PCNT: variants seen among roughly 807,000 people sequenced by gnomAD.
The protein encoded by PCNT is pericentrin.
In PCNT, 319 loss-of-function variants were observed where a neutral mutation model predicts 380.4. The ratio of observed to expected loss-of-function variants is 0.84; its 90% CI spans 0.77 to 0.92. PCNT has a LOEUF of 0.92. Ranked by LOEUF, PCNT falls within the 40% of genes least tolerant of loss-of-function variation. PCNT has a pLI of 0.00. For synonymous variants in PCNT, 1,845 were observed against 1,735.2 expected, an observed-to-expected ratio of 1.06 and a Z score of -1.57; for missense variants, 4,400 against 4,255.3, an observed-to-expected ratio of 1.03 and a Z score of -0.95.
chr21:46,399,557 A>C (rs756006304), intron 24 of PCNT, 33 bp from the exon 25 acceptor site: 2 of 1,500,922 alleles, frequency 1.3e-6, no homozygotes, highest in African/African-American at 1.4e-5. Flanking sequence ...AAAACATTCT[A>C]TTGTATTCCT....
intron 16 of PCNT, among the ~76,000 whole-genome samples, chr21:46,383,369 TCAC>T (rs750488430): frequency 6.9e-6 from 1 of 144,086 alleles, no homozygotes; most frequent in East Asian, 2.1e-4. Flanking sequence ...GGAAGCGCAT[TCAC>T]CATGTTGTAT....
chr21:46,420,031 A>G (rs1409322251), intron 31 of PCNT, among the ~76,000 whole-genome samples: 1 of 152,168 alleles, frequency 6.6e-6, no homozygotes, highest in Non-Finnish European at 1.5e-5. Context: ...GGGTGCAGAC[A>G]CTTGGGTTGG....
Position 46,365,034 on chromosome 21 carries a change from C to T in PCNT, c.2609+1100C>T, listed in dbSNP as rs372145588. Reference sequence around the variant, plus strand: ...TTTGGCCTCCTGATGGGAGCAGGTCCTTCTGTGAGGACTCTCCCTGCCTCT... The same window carrying T: ...TTTGGCCTCCTGATGGGAGCAGGTCTTTCTGTGAGGACTCTCCCTGCCTCT... On this transcript the variant is annotated intron_variant, in intron 14 of 46. Transcript: ENST00000359568. 1.5e-4 allele frequency among the ~76,000 whole-genome samples: 23 copies of T among 152,376 alleles called. 1 individual carries two copies. In the South Asian group the frequency reaches 4.3e-3, roughly 29 times the overall value.
At chr21:46,332,840 G>A (rs1160174430) in intron 2 of PCNT, among the ~76,000 whole-genome samples, 2 of 152,212 alleles carry the variant, frequency 1.3e-5, no homozygotes, top group African/African-American at 4.8e-5. Flanking sequence ...TGGGCACTGT[G>A]GCTCATGCCT....
In PCNT at chr21:46,440,945, G is replaced by A. The variant is rs751764788; in HGVS notation, c.9484G>A (p.Gly3162Arg). 1.2e-6 allele frequency: 2 copies of A among 1,613,180 alleles called. No homozygotes were observed. Among genetic ancestry groups the A allele is most frequent in the South Asian group, 2.2e-5 (2 of 91,074 alleles). ...GAAGTATCTTTTGCTGTTGATTGGT[G>A]GATTCCAGGATTCTGAACAAGAAAC... Reference protein sequence around the residue: ...QKKYLLLLIGGFQDSEQETLS... With the variant: ...QKKYLLLLIGRFQDSEQETLS... The change falls in exon 43 of 47, where the codon GGA (glycine) becomes AGA (arginine). Residue 3162 changes from glycine to arginine, a missense_variant. Transcript: ENST00000359568.
In PCNT at chr21:46,416,695, C is replaced by A; in HGVS notation, c.6777C>A (p.Ser2259=). 1 of 1,567,756 alleles carries A rather than the reference C, an allele frequency of 6.4e-7. No individual in the cohort carries two copies. Among genetic ancestry groups the A allele is most frequent in the Non-Finnish European group, 8.6e-7 (1 of 1,156,476 alleles). The part of the protein sequence containing the change: ...GALSLCSADT[S]LGDRADTSLP... ...TGAGCCTGTGCAGTGCCGACACATC[C>A]CTGGGGGACAGGGCGGACACCTCGC... Residue 2259 remains serine, a synonymous_variant, in exon 30 of 47, where the codon TCC becomes TCA. Coordinates refer to ENST00000359568, the MANE Select transcript of PCNT (RefSeq NM_006031.6).
intron 15 of PCNT, among the ~76,000 whole-genome samples, chr21:46,372,181 GCACACACAGCA>G (rs930182205): frequency 1.4e-5 from 2 of 145,104 alleles, no homozygotes; most frequent in Non-Finnish European, 3.0e-5. Context: ...CACAGCACAT[GCACACACAGCA>G]CACACACAGA....
At chr21:46,420,178 C>T (rs1175171982) in intron 31 of PCNT, among the ~76,000 whole-genome samples, 3 of 152,194 alleles carry the variant, frequency 2.0e-5, no homozygotes, top group Admixed American at 1.3e-4. Context: ...TGGAGGCCTG[C>T]GCGGTCGGGG....
chr21:46,396,220 T>C (rs917496799), intron 21 of PCNT, among the ~76,000 whole-genome samples: 8 of 152,268 alleles, frequency 5.3e-5, no homozygotes, highest in African/African-American at 1.9e-4. Context: ...CTGGTTTTGC[T>C]GCTGGAAGAG....
intron 15 of PCNT, among the ~76,000 whole-genome samples, chr21:46,378,853 T>C (rs1270888794): frequency 1.3e-5 from 2 of 152,226 alleles, no homozygotes; most frequent in African/African-American, 2.4e-5. Flanking sequence ...GTGCTCATAT[T>C]GTCGTACCAA....
intron 25 of PCNT, 130 bp downstream of exon 25, chr21:46,399,926 A>G (rs927106512): frequency 8.6e-6 from 7 of 811,210 alleles, no homozygotes; most frequent in African/African-American, 8.4e-5. Flanking sequence ...CACCAGAAAC[A>G]CTGGCGTCAG....
chr21:46,387,637 C>A (rs1210732769), intron 17 of PCNT, among the ~76,000 whole-genome samples: 3 of 152,102 alleles, frequency 2.0e-5, no homozygotes, highest in African/African-American at 7.2e-5. Flanking sequence ...CTCCTCAGGA[C>A]TCCCCCTCCC....
In PCNT at chr21:46,435,884, CT is replaced by C. The variant is rs769177195; in HGVS notation, c.8752-14del. ...ACACTGACGTGAACGTCTTCTCTGT[CT>C]TTTTTCTGTTAACAACAGCGAGAAT... On this transcript the variant is annotated intron_variant, in intron 38 of 46. Coordinates refer to ENST00000359568, the MANE Select transcript of PCNT (RefSeq NM_006031.6). 4.3e-6 allele frequency: 7 copies of C among 1,613,966 alleles called. No individual in the cohort carries two copies. The highest frequency in any genetic ancestry group is 5.9e-6 in the Non-Finnish European group (7 of 1,179,980).
At chr21:46,393,550 G>A (rs2086107905) in intron 21 of PCNT, among the ~76,000 whole-genome samples, 2 of 152,298 alleles carry the variant, frequency 1.3e-5, no homozygotes, top group Admixed American at 1.3e-4. Flanking sequence ...CCCCGCCGGG[G>A]GAGACCACCT....
At chr21:46,327,915 C>G (rs1255048269) in intron 2 of PCNT, among the ~76,000 whole-genome samples, 1 of 152,204 alleles carries the variant, frequency 6.6e-6, no homozygotes, top group Non-Finnish European at 1.5e-5. Context: ...TGAGTGCACA[C>G]TGAGTCCTGA....
intron 6 of PCNT, 95 bp downstream of exon 6, chr21:46,347,607 C>A: frequency 2.6e-6 from 3 of 1,136,246 alleles, no homozygotes; most frequent in Non-Finnish European, 4.0e-6. Flanking sequence ...TTGATTCAGA[C>A]AGAAGCCAGT....
chr21:46,337,435 A>G (rs138220259), intron 3 of PCNT, among the ~76,000 whole-genome samples: 55 of 152,236 alleles, frequency 3.6e-4, no homozygotes, highest in African/African-American at 1.3e-3. Context: ...ACTGTTTTCC[A>G]AGGTTACTCA....
At chr21:46,325,505 A>C (rs2083356923) in intron 1 of PCNT, among the ~76,000 whole-genome samples, 1 of 152,144 alleles carries the variant, frequency 6.6e-6, no homozygotes, top group Admixed American at 6.5e-5. Flanking sequence ...AATAAACGAC[A>C]TGAGGTTGAC....
chr21:46,430,195 T>C lies in PCNT; in HGVS notation c.7876T>C (p.Ser2626Pro), dbSNP rs1465202813. 1 of 1,613,830 alleles carries C rather than the reference T, an allele frequency of 6.2e-7. No homozygotes were observed. The highest frequency in any genetic ancestry group is 1.7e-5 in the Admixed American group (1 of 60,016). The stretch of plus-strand genomic sequence containing the variant: ...GCAGAAGAGCGAACAGCTGTCCCGG[T>C]CCCTCTGCGAGGTGCAGCAGGAGGT... Reference protein sequence around the residue: ...SRQKSEQLSRSLCEVQQEVLQ... With the variant: ...SRQKSEQLSRPLCEVQQEVLQ... Residue 2626 changes from serine (S) to proline (P), a missense_variant, in exon 36 of 47, where the codon TCC (serine) becomes CCC (proline). By Grantham distance (74) the Ser-to-Pro change is moderately conservative. Coordinates refer to ENST00000359568, the MANE Select transcript of PCNT (RefSeq NM_006031.6).
Sources: gnomAD v4.1 joint callset for allele counts (sites outside exome capture counted in the v4.1 genomes callset) on GRCh38, gnomAD v4.1.1 for gene constraint, MANE v1.5 for transcripts, NCBI Gene and HGNC (gene_info 2026-07-23, HGNC 2026-07-21) for gene names.